STC1: variants seen among roughly 807,000 people sequenced by gnomAD.
The protein encoded by STC1 is stanniocalcin-1.
A neutral mutation model predicts 22.6 loss-of-function variants in STC1; 7 were observed. The observed-to-expected ratio is 0.31, with a 90% CI of 0.18 to 0.58. The LOEUF (loss-of-function observed/expected upper bound fraction) is 0.58, where lower values mean the gene tolerates loss of function less well. Among genes scored for constraint, STC1 ranks in the 20% least tolerant of loss-of-function variants. STC1 has a pLI of 0.89. For missense variants in STC1, 224 were observed against 311.0 expected (o/e 0.72, Z 2.10); for synonymous variants, 113 against 120.7 (o/e 0.94, Z 0.42).
intron 3 of STC1, 27 bp downstream of exon 3, chr8:23,851,293 T>C (rs181785692): frequency 6.2e-7 from 1 of 1,612,364 alleles, no homozygotes; most frequent in Non-Finnish European, 8.5e-7. Flanking sequence ...AGTCCCCTGA[T>C]TGTGAAAAAG....
At chr8:23,850,690 A>C (rs1802627776) in intron 3 of STC1, among the ~76,000 whole-genome samples, 1 of 152,166 alleles carries the variant, frequency 6.6e-6, no homozygotes, top group African/African-American at 2.4e-5. Context: ...AAACACACTC[A>C]TTCTAGGAAA....
chr8:23,853,904 A>G, intron 1 of STC1: 3 of 546,640 alleles, frequency 5.5e-6, no homozygotes, highest in Non-Finnish European at 7.0e-6. Flanking sequence ...TGGATTTGTC[A>G]GACTTGAGGG....
chr8:23,844,563 C>T lies in STC1; in HGVS notation c.*207G>A, dbSNP rs1468662620. On this transcript the variant is annotated 3_prime_UTR_variant, in exon 4 of 4. Coordinates refer to ENST00000290271, the MANE Select transcript of STC1 (RefSeq NM_003155.3). The stretch of plus-strand genomic sequence containing the variant: ...CTCCTGAGGAGAGGCAGAATGGTCA[C>T]ATGGATTTTGTTGGTGGGAATGCTG... 4 of 620,736 alleles carry T rather than the reference C, an allele frequency of 6.4e-6. No individual in the cohort carries two copies. Among genetic ancestry groups the T allele is most frequent in the Non-Finnish European group, 1.1e-5 (4 of 364,208 alleles). The allele number at this position is 620,736 out of a possible 1,614,324, so 38.5% of individuals were successfully genotyped here. A position where few individuals can be genotyped will look rare whatever the true frequency, so the allele number is the denominator to read the frequency against.
At position 23,852,607 on chromosome 8, in the gene STC1, C is replaced by T. The variant is rs114542685; in HGVS notation, c.119-223G>A. ...GTACATGATGGACAGGGAGGGAGTT[C>T]TCTGTTTCAGACACACGCTCCCTGT... On this transcript the variant is annotated intron_variant, in intron 1 of 3. Coordinates refer to ENST00000290271, the MANE Select transcript of STC1 (RefSeq NM_003155.3). Among the ~76,000 whole-genome samples the T allele has an allele frequency of 6.0e-3, 916 of 152,216 alleles. 13 individuals carry two copies. The highest frequency in any genetic ancestry group is 0.021 in the African/African-American group (864 of 41,540).
At chr8:23,850,161 A>C (rs1802621256) in intron 3 of STC1, among the ~76,000 whole-genome samples, 2 of 152,216 alleles carry the variant, frequency 1.3e-5, no homozygotes, top group Non-Finnish European at 2.9e-5. Flanking sequence ...CCTTTCCCTA[A>C]GGAGGAACTA....
intron 3 of STC1, among the ~76,000 whole-genome samples, chr8:23,850,570 C>T (rs1366497318): frequency 1.3e-5 from 2 of 152,166 alleles, no homozygotes; most frequent in Non-Finnish European, 2.9e-5. Context: ...GAATTCACTC[C>T]TGGCTGGTAA....
At chr8:23,852,211 C>T (rs1006430238) in intron 2 of STC1, 31 bp downstream of exon 2, 2 of 1,613,658 alleles carry the variant, frequency 1.2e-6, no homozygotes, top group African/African-American at 2.7e-5. Context: ...AGACAAGCAG[C>T]CAGTGGGAGC....
rs139180228 is a variant in STC1, at chr8:23,851,961, T to C, written c.261+281A>G. Among the ~76,000 whole-genome samples, 208 of 152,274 alleles carry C rather than the reference T, an allele frequency of 1.4e-3. 3 individuals are homozygous for C. Among genetic ancestry groups the C allele is most frequent in the African/African-American group, 4.7e-3 (195 of 41,570 alleles). Reference sequence around the variant, plus strand: ...TCTTTTTGGCTTATTACCCCTGGCCTTATAAGACAGCCTCTACTAGCTCCT... The same window carrying C: ...TCTTTTTGGCTTATTACCCCTGGCCCTATAAGACAGCCTCTACTAGCTCCT... On this transcript the variant is annotated intron_variant, in intron 2 of 3. Coordinates refer to ENST00000290271, the MANE Select transcript of STC1 (RefSeq NM_003155.3).
intron 3 of STC1, among the ~76,000 whole-genome samples, chr8:23,850,237 C>G (rs1229847233): frequency 1.3e-5 from 2 of 152,160 alleles, no homozygotes; most frequent in African/African-American, 4.8e-5. Context: ...TGGCTGTTGC[C>G]ACTGTCTTAA....
At chr8:23,850,912 CTTTTT>C (rs56311630) in intron 3 of STC1, among the ~76,000 whole-genome samples, 1 of 89,474 alleles carries the variant, frequency 1.1e-5, no homozygotes, top group Non-Finnish European at 2.1e-5. Flanking sequence ...AACCAGAGGG[CTTTTT>C]TTTTTTTTTT....
intron 1 of STC1, chr8:23,854,104 T>G: frequency 8.3e-7 from 1 of 1,208,308 alleles, no homozygotes; most frequent in Non-Finnish European, 1.0e-6. Flanking sequence ...CATTCAAGCC[T>G]TTCCTCCCCT....
chr8:23,853,041 A>AAGAAAGAAAGAAAGAG (rs1282843806), intron 1 of STC1, among the ~76,000 whole-genome samples: 17 of 151,650 alleles, frequency 1.1e-4, no homozygotes, highest in Admixed American at 6.6e-5. Context: ...TTAAAAAAGA[A>AAGAAAGAAAGAAAGAG]AGAAAGAAAG....
In STC1 at chr8:23,854,631, G is replaced by T; in HGVS notation, c.-108C>A. The T allele has an allele frequency of 2.1e-6, 2 of 970,498 alleles. No homozygotes were observed. The highest frequency in any genetic ancestry group is 1.7e-6 in the Non-Finnish European group (1 of 600,386). The allele number at this position is 970,498 out of a possible 1,614,324, so 60.1% of individuals were successfully genotyped here. ...AGATGTGGATCTGGATACACTGAAA[G>T]CTTAGGTGAGGATTTGATGAGGATT... On this transcript the variant is annotated 5_prime_UTR_variant, in exon 1 of 4. Transcript: ENST00000290271.
intron 3 of STC1, among the ~76,000 whole-genome samples, chr8:23,847,865 C>G (rs1802591104): frequency 6.6e-6 from 1 of 152,224 alleles, no homozygotes; most frequent in African/African-American, 2.4e-5. Context: ...TAATTGTGGA[C>G]TACCACGGTG....
chr8:23,849,328 A>G (rs967671370), intron 3 of STC1, among the ~76,000 whole-genome samples: 2 of 152,224 alleles, frequency 1.3e-5, no homozygotes, highest in Non-Finnish European at 2.9e-5. Context: ...TACAATCCTG[A>G]GCAGGAATAA....
At chr8:23,850,987 T>G (rs1312342866) in intron 3 of STC1, among the ~76,000 whole-genome samples, 1 of 150,538 alleles carries the variant, frequency 6.6e-6, no homozygotes, top group Non-Finnish European at 1.5e-5. Context: ...AAATCTGATG[T>G]CTTAAAAGCT....
Position 23,854,616 on chromosome 8 carries a change from C to A in STC1, c.-93G>T, listed in dbSNP as rs1014136265. 6.7e-6 allele frequency: 7 copies of A among 1,045,322 alleles called. No individual in the cohort carries two copies. The highest frequency in any genetic ancestry group is 1.7e-5 in the Admixed American group (1 of 57,418). 64.8% of individuals were successfully genotyped at this position (1,045,322 alleles called of 1,614,324 possible). ...TCCTGGCTTGAGTGAAGATGTGGAT[C>A]TGGATACACTGAAAGCTTAGGTGAG... is the stretch of plus-strand genomic sequence containing the variant. On this transcript the variant is annotated 5_prime_UTR_variant, in exon 1 of 4. Transcript: ENST00000290271.
At chr8:23,845,735 G>A (rs895362437) in intron 3 of STC1, among the ~76,000 whole-genome samples, 2 of 152,164 alleles carry the variant, frequency 1.3e-5, no homozygotes, top group African/African-American at 4.8e-5. Flanking sequence ...AAGGTATATT[G>A]TAGTCAGAAG....
At chr8:23,854,197 G>A (rs1802670865) in intron 1 of STC1, 4 of 1,153,598 alleles carry the variant, frequency 3.5e-6, no homozygotes, top group South Asian at 1.7e-5. Flanking sequence ...CCTCAGCAGA[G>A]CGTCCAGCTT....
Sources: allele counts gnomAD v4.1 joint callset (sites outside exome capture counted in the v4.1 genomes callset), GRCh38; gene constraint gnomAD v4.1.1; transcripts MANE v1.5; gene names NCBI Gene and HGNC (gene_info 2026-07-23, HGNC 2026-07-21).